The following NEGR1 variants were observed in gnomAD, a reference collection of about 807,000 sequenced individuals.
NEGR1 encodes IgLON family member 4.
Under a neutral mutation model 40.9 loss-of-function variants are expected in NEGR1, and 10 were observed. That is an observed-to-expected ratio of 0.24 (90% CI 0.15 to 0.42). The LOEUF (loss-of-function observed/expected upper bound fraction) is 0.42. Ranked by LOEUF, NEGR1 falls within the 10% of genes least tolerant of loss-of-function variation. The pLI, the probability that NEGR1 is intolerant of heterozygous loss-of-function variation, is 1.00. For synonymous variants in NEGR1, 185 were observed against 166.8 expected (o/e 1.11, Z -0.84); for missense variants, 352 against 438.9 (o/e 0.80, Z 1.77).
chr1:71,522,110 T>C (rs1295509025), intron 6 of NEGR1, among the ~76,000 whole-genome samples: 1 of 151,964 alleles, frequency 6.6e-6, no homozygotes, highest in African/African-American at 2.4e-5. Context: ...ATGTCCTTGG[T>C]TCTAAATAAA....
intron 6 of NEGR1, among the ~76,000 whole-genome samples, chr1:71,433,513 G>C (rs1646483201): frequency 6.6e-6 from 1 of 152,182 alleles, no homozygotes; most frequent in African/African-American, 2.4e-5. Context: ...GGTTTAATTG[G>C]ACTTACAGTT....
chr1:71,537,821 T>C (rs1647558235), intron 6 of NEGR1, among the ~76,000 whole-genome samples: 1 of 151,750 alleles, frequency 6.6e-6, no homozygotes, highest in African/African-American at 2.4e-5. Context: ...GTTTTGTCAT[T>C]GGAGTCATTA....
intron 1 of NEGR1, among the ~76,000 whole-genome samples, chr1:71,969,779 T>C (rs964530236): frequency 6.6e-6 from 1 of 152,230 alleles, no homozygotes; most frequent in Non-Finnish European, 1.5e-5. Context: ...TTGAGAAGCA[T>C]TGCACTGAAA....
intron 2 of NEGR1, among the ~76,000 whole-genome samples, chr1:71,927,862 G>C (rs1645791013): frequency 7.9e-6 from 1 of 126,348 alleles, no homozygotes; most frequent in Admixed American, 8.1e-5. Context: ...GCCAGGCAGA[G>C]TGGTGTGCAC....
intron 2 of NEGR1, among the ~76,000 whole-genome samples, chr1:71,871,471 C>A (rs1166190740): frequency 6.6e-6 from 1 of 152,132 alleles, no homozygotes; most frequent in Non-Finnish European, 1.5e-5. Flanking sequence ...TCATTTCGAG[C>A]CACTTTTTCA....
At chr1:71,914,212 T>C (rs1424607176) in intron 2 of NEGR1, among the ~76,000 whole-genome samples, 1 of 152,192 alleles carries the variant, frequency 6.6e-6, no homozygotes, top group Non-Finnish European at 1.5e-5. Flanking sequence ...CATTATTATA[T>C]CCTGAGGACA....
intron 6 of NEGR1, among the ~76,000 whole-genome samples, chr1:71,544,409 T>A (rs995291711): frequency 6.6e-6 from 1 of 151,604 alleles, no homozygotes; most frequent in Admixed American, 6.6e-5. Flanking sequence ...ACTGAGAAAA[T>A]CTAAGTAATA....
intron 1 of NEGR1, among the ~76,000 whole-genome samples, chr1:72,047,861 T>C (rs912256730): frequency 2.0e-5 from 3 of 151,568 alleles, no homozygotes; most frequent in African/African-American, 7.3e-5. Flanking sequence ...ACATTAAGTC[T>C]TTCCTCAAGC....
chr1:71,664,446 T>C (rs1652171837), intron 4 of NEGR1, among the ~76,000 whole-genome samples: 1 of 152,176 alleles, frequency 6.6e-6, no homozygotes, highest in Non-Finnish European at 1.5e-5. Context: ...TTGTAAGATA[T>C]TTTACAATTT....
chr1:72,254,653 GAT>G (rs1655205661), intron 1 of NEGR1, among the ~76,000 whole-genome samples: 1 of 143,338 alleles, frequency 7.0e-6, no homozygotes, highest in African/African-American at 2.6e-5. Flanking sequence ...AGTGAGCTGA[GAT>G]AGCGCCACTG....
chr1:71,950,923 C>T (rs1039182533), intron 1 of NEGR1, among the ~76,000 whole-genome samples: 4 of 151,802 alleles, frequency 2.6e-5, no homozygotes, highest in Non-Finnish European at 5.9e-5. Context: ...TAATTATGAA[C>T]CTTTGAAAGA....
At chr1:71,698,765 C>A (rs890447458) in intron 3 of NEGR1, among the ~76,000 whole-genome samples, 1 of 151,686 alleles carries the variant, frequency 6.6e-6, no homozygotes, top group Non-Finnish European at 1.5e-5. Context: ...TAAAAGCAAA[C>A]TAAATTATCT....
Position 71,875,329 on chromosome 1 carries a change from A to C in NEGR1, c.409+59750T>G, listed in dbSNP as rs142994214. Reference sequence around the variant, plus strand: ...TGTTTATTTGCTTTAATTGTGCTGGAAAGTAGGTCTCTGATTAATACAAAT... The same window carrying C: ...TGTTTATTTGCTTTAATTGTGCTGGCAAGTAGGTCTCTGATTAATACAAAT... On this transcript the variant is annotated intron_variant, in intron 2 of 6. Coordinates refer to ENST00000357731, the MANE Select transcript of NEGR1 (RefSeq NM_173808.3). Among the ~76,000 whole-genome samples, 530 of 152,234 alleles carry C rather than the reference A, an allele frequency of 3.5e-3. 10 individuals are homozygous for C. The highest frequency in any genetic ancestry group is 7.2e-4 in the Non-Finnish European group (49 of 68,022).
intron 6 of NEGR1, among the ~76,000 whole-genome samples, chr1:71,543,766 T>C (rs1180609539): frequency 6.6e-6 from 1 of 151,734 alleles, no homozygotes; most frequent in Admixed American, 6.6e-5. Context: ...TTAAATTTAT[T>C]CATTTGAGAA....
At chr1:71,565,743 T>C (rs1353535315) in intron 6 of NEGR1, among the ~76,000 whole-genome samples, 6 of 152,130 alleles carry the variant, frequency 3.9e-5, no homozygotes, top group Non-Finnish European at 5.9e-5. Flanking sequence ...GAGAATAATA[T>C]TGAGGGCATC....
chr1:72,241,827 T>A (rs1181424611), intron 1 of NEGR1, among the ~76,000 whole-genome samples: 1 of 151,720 alleles, frequency 6.6e-6, no homozygotes, highest in African/African-American at 2.4e-5. Context: ...GTAACATAAT[T>A]TTAGATTTTA....
chr1:71,996,032 G>A (rs1646501626), intron 1 of NEGR1, among the ~76,000 whole-genome samples: 1 of 152,160 alleles, frequency 6.6e-6, no homozygotes, highest in East Asian at 1.9e-4. Flanking sequence ...AGAGGAATAA[G>A]CATTAACTTG....
At chr1:71,478,162 A>T (rs1646833673) in intron 6 of NEGR1, among the ~76,000 whole-genome samples, 1 of 152,056 alleles carries the variant, frequency 6.6e-6, no homozygotes, top group African/African-American at 2.4e-5. Context: ...TGCTATTAAA[A>T]GACACAGTTA....
At chr1:71,734,421 T>C (rs1654983916) in intron 3 of NEGR1, among the ~76,000 whole-genome samples, 1 of 152,186 alleles carries the variant, frequency 6.6e-6, no homozygotes, top group African/African-American at 2.4e-5. Flanking sequence ...TATTGACTTA[T>C]TTTATATAAA....
Sources: allele counts gnomAD v4.1 joint callset (sites outside exome capture counted in the v4.1 genomes callset), GRCh38; gene constraint gnomAD v4.1.1; transcripts MANE v1.5; gene names NCBI Gene and HGNC (gene_info 2026-07-23, HGNC 2026-07-21).